IARS2: variants seen among roughly 807,000 people sequenced by gnomAD.
The protein encoded by IARS2 is isoleucyl-tRNA synthetase 2, mitochondrial.
Under a neutral mutation model 126.3 loss-of-function variants are expected in IARS2, and 56 were observed. That is an observed-to-expected ratio of 0.44 (90% CI 0.36 to 0.55). IARS2 has a LOEUF of 0.55. Ranked by LOEUF, IARS2 falls within the 20% of genes least tolerant of loss-of-function variation. IARS2 has a pLI of 0.00. For synonymous variants in IARS2, 407 were observed against 441.1 expected, an observed-to-expected ratio of 0.92 and a Z score of 0.97; for missense variants, 1,127 against 1,245.9, an observed-to-expected ratio of 0.90 and a Z score of 1.44.
At chr1:220,125,709 G>T (rs560198229) in intron 13 of IARS2, among the ~76,000 whole-genome samples, 3 of 152,126 alleles carry the variant, frequency 2.0e-5, no homozygotes, top group South Asian at 2.1e-4. Flanking sequence ...GGAGGTTGAG[G>T]GGGGAGGATG....
chr1:220,141,277 C>T (rs1424186009), intron 19 of IARS2, among the ~76,000 whole-genome samples: 1 of 152,138 alleles, frequency 6.6e-6, no homozygotes, highest in Non-Finnish European at 1.5e-5. Flanking sequence ...TATATATGTG[C>T]AATTATATGG....
At chr1:220,137,786 A>G in intron 16 of IARS2, 132 bp from the exon 17 acceptor site, 1 of 898,838 alleles carries the variant, frequency 1.1e-6, no homozygotes, top group Non-Finnish European at 1.7e-6. Flanking sequence ...CCCGCATTTC[A>G]TTACAGTGCT....
At chr1:220,107,030 T>G in intron 9 of IARS2, 31 bp from the exon 10 acceptor site, 2 of 1,320,626 alleles carry the variant, frequency 1.5e-6, no homozygotes, top group Non-Finnish European at 2.2e-6. Context: ...AATGTCTTGA[T>G]ATTTTAATTG....
At chr1:220,109,547 C>T (rs539930672) in intron 10 of IARS2, among the ~76,000 whole-genome samples, 1 of 152,314 alleles carries the variant, frequency 6.6e-6, no homozygotes, top group Non-Finnish European at 1.5e-5. Context: ...TAAGATTTCT[C>T]TAGCATTAAC....
intron 19 of IARS2, 33 bp downstream of exon 19, chr1:220,140,322 A>G (rs1203405970): frequency 7.6e-7 from 1 of 1,311,372 alleles, no homozygotes; most frequent in Admixed American, 1.7e-5. Context: ...ATGCTTAACA[A>G]TGGCCAGGTG....
At chr1:220,128,704 A>G (rs1657201691) in intron 14 of IARS2, among the ~76,000 whole-genome samples, 1 of 152,208 alleles carries the variant, frequency 6.6e-6, no homozygotes, top group African/African-American at 2.4e-5. Context: ...AGTGAGGTAT[A>G]GTGTATTTCA....
At chr1:220,130,353 C>A (rs1370455525) in intron 14 of IARS2, among the ~76,000 whole-genome samples, 1 of 152,120 alleles carries the variant, frequency 6.6e-6, no homozygotes, top group Admixed American at 6.6e-5. Context: ...TTGTGTGCTG[C>A]AGCTTTTTCT....
chr1:220,099,369 A>G (rs980910742), intron 2 of IARS2, among the ~76,000 whole-genome samples: 8 of 152,200 alleles, frequency 5.3e-5, no homozygotes, highest in African/African-American at 1.9e-4. Context: ...CTAAAGTATC[A>G]TTTCAACATA....
chr1:220,107,665 T>TA (rs1471322278), intron 10 of IARS2, among the ~76,000 whole-genome samples: 5 of 151,968 alleles, frequency 3.3e-5, no homozygotes, highest in East Asian at 3.9e-4. Flanking sequence ...AGGGCTACTG[T>TA]AAAAAATCAC....
In IARS2 at chr1:220,094,444, G is replaced by C. The variant is rs764004253; in HGVS notation, c.228G>C (p.Leu76=). The C allele has an allele frequency of 1.8e-5, 29 of 1,611,118 alleles. 1 individual carries two copies. Among genetic ancestry groups the C allele is most frequent in the Admixed American group, 1.3e-4 (8 of 59,880 alleles). Residue 76 remains leucine, a synonymous_variant, in exon 1 of 23, where the codon CTG becomes CTC. Coordinates refer to ENST00000366922, the MANE Select transcript of IARS2 (RefSeq NM_018060.4). ...LPQTSFPMKL[L]GRQQPDTELE... is the part of the protein sequence containing the mutation. ...AGACGAGCTTCCCCATGAAGCTGCT[G>C]GGCCGCCAGCAGCCGGACACGGAGC... is the stretch of plus-strand genomic sequence containing the variant.
At position 220,141,837 on chromosome 1, in the gene IARS2, C is replaced by A. The variant is rs779474243; in HGVS notation, c.2449C>A (p.Arg817Ser). 1 of 1,614,098 alleles carries A rather than the reference C, an allele frequency of 6.2e-7. No individual in the cohort carries two copies. The highest frequency in any genetic ancestry group is 1.3e-5 in the African/African-American group (1 of 75,038). Reference protein sequence around the residue: ...YCEKENDPKRRSCQTALVEIL... With the variant: ...YCEKENDPKRSSCQTALVEIL... The stretch of plus-strand genomic sequence containing the variant: ...TGAAAAGGAAAATGACCCCAAACGA[C>A]GCTCTTGTCAGACTGCATTAGTTGA... Residue 817 changes from arginine to serine, a missense_variant, in exon 20 of 23, where the codon CGC (arginine) becomes AGC (serine). Coordinates refer to ENST00000366922, the MANE Select transcript of IARS2 (RefSeq NM_018060.4).
intron 10 of IARS2, among the ~76,000 whole-genome samples, chr1:220,110,351 C>T (rs1656774255): frequency 6.6e-6 from 1 of 151,838 alleles, no homozygotes; most frequent in South Asian, 2.1e-4. Flanking sequence ...TGAGCAACCA[C>T]GCCCAGCCAA....
chr1:220,146,537 A>AAAAAAAAAC, intron 22 of IARS2, among the ~76,000 whole-genome samples: 1 of 142,694 alleles, frequency 7.0e-6, no homozygotes, highest in Admixed American at 6.9e-5. Flanking sequence ...AAAAAAAAAA[A>AAAAAAAAAC]AAGCAGGTAT....
At chr1:220,124,094 C>T (rs779037626) in intron 12 of IARS2, among the ~76,000 whole-genome samples, 11 of 152,204 alleles carry the variant, frequency 7.2e-5, no homozygotes, top group Admixed American at 2.6e-4. Flanking sequence ...CTAAAGCCCC[C>T]TGCTGGCAGG....
At position 220,102,493 on chromosome 1, in the gene IARS2, A is replaced by C. The variant is rs766651661; in HGVS notation, c.750-2A>C. 1 of 1,613,162 alleles carries C rather than the reference A, an allele frequency of 6.2e-7. No homozygotes were observed. Among genetic ancestry groups the C allele is most frequent in the East Asian group, 2.2e-5 (1 of 44,848 alleles). Reference sequence around the variant, plus strand: ...TTTATGTTTAATATTTTTAACCCTTAGGACTGCATTGGCTGAAGCAGAACT... The same window carrying C: ...TTTATGTTTAATATTTTTAACCCTTCGGACTGCATTGGCTGAAGCAGAACT... On this transcript the variant is annotated splice_acceptor_variant, in intron 5 of 22. Transcript: ENST00000366922. LOFTEE classifies it high-confidence loss of function.
chr1:220,139,205 GT>G, intron 18 of IARS2, 66 bp downstream of exon 18: 1 of 1,378,106 alleles, frequency 7.3e-7, no homozygotes, highest in Non-Finnish European at 1.0e-6. Flanking sequence ...TAAAATTTTA[GT>G]TTTATCTGAG....
At chr1:220,095,543 C>G (rs769408840) in intron 1 of IARS2, among the ~76,000 whole-genome samples, 1 of 152,096 alleles carries the variant, frequency 6.6e-6, no homozygotes, top group East Asian at 1.9e-4. Flanking sequence ...CAAATGTTTC[C>G]TCGTTTAATC....
At chr1:220,103,696 A>G in intron 8 of IARS2, 134 bp downstream of exon 8, 1 of 575,242 alleles carries the variant, frequency 1.7e-6, no homozygotes, top group Non-Finnish European at 3.1e-6. Flanking sequence ...TTTTACATTG[A>G]TTACACTAAA....
chr1:220,146,707 T>C (rs770245002), intron 22 of IARS2, among the ~76,000 whole-genome samples: 3 of 152,118 alleles, frequency 2.0e-5, no homozygotes, highest in Non-Finnish European at 4.4e-5. Context: ...GAATTTCGCT[T>C]GTCACCCAGG....
Sources: allele counts gnomAD v4.1 joint callset (sites outside exome capture counted in the v4.1 genomes callset), GRCh38; gene constraint gnomAD v4.1.1; transcripts MANE v1.5; gene names NCBI Gene and HGNC (gene_info 2026-07-23, HGNC 2026-07-21).